Variants in PTK2B observed in about 807,000 individuals in gnomAD.
The protein encoded by PTK2B is protein tyrosine kinase 2 beta.
Under a neutral mutation model 142.9 loss-of-function variants are expected in PTK2B, and 71 were observed. The ratio of observed to expected loss-of-function variants is 0.50; its 90% CI spans 0.41 to 0.61. PTK2B has a LOEUF of 0.61. PTK2B is among the 20% of genes least tolerant of loss of function. The pLI is 0.00. For synonymous variants in PTK2B, 519 were observed against 503.4 expected (o/e 1.03, Z -0.42); for missense variants, 1,105 against 1,320.4 (o/e 0.84, Z 2.53).
At chr8:27,399,838 C>T (rs567616306) in intron 2 of PTK2B, among the ~76,000 whole-genome samples, 4 of 152,336 alleles carry the variant, frequency 2.6e-5, no homozygotes, top group African/African-American at 9.6e-5. Context: ...AAGTCCTGCT[C>T]CATCCTTACT....
At position 27,458,597 on chromosome 8, in the gene PTK2B, G is replaced by A; in HGVS notation, c.*88G>A. The A allele has an allele frequency of 7.2e-7, 1 of 1,398,508 alleles. No individual in the cohort carries two copies. The highest frequency in any genetic ancestry group is 9.7e-7 in the Non-Finnish European group (1 of 1,028,448). The allele number at this position is 1,398,508 out of a possible 1,614,324, so 86.6% of individuals were successfully genotyped here. On this transcript the variant is annotated 3_prime_UTR_variant, in exon 31 of 31. Transcript: ENST00000346049. Reference sequence around the variant, plus strand: ...TGCTGTTGGTCATGTGGGTCTTCCAGGGGGAAGGCCAAGGGGAGTCACCTT... The same window carrying A: ...TGCTGTTGGTCATGTGGGTCTTCCAAGGGGAAGGCCAAGGGGAGTCACCTT...
intron 7 of PTK2B, 47 bp downstream of exon 7, chr8:27,430,465 C>T (rs1264658194): frequency 6.2e-7 from 1 of 1,606,034 alleles, no homozygotes; most frequent in Admixed American, 1.7e-5. Context: ...ATTCCCGAGA[C>T]TAGAGTGTAA....
In PTK2B at chr8:27,397,662, G is replaced by C. The variant is rs771459641; in HGVS notation, c.78G>C (p.Met26Ile). The change falls in exon 2 of 31, where the codon ATG becomes ATC. Residue 26 changes from methionine to isoleucine, a missense_variant. Transcript: ENST00000346049. The stretch of plus-strand genomic sequence containing the variant: ...GGCCTGAAGGCCCTGCAGAGCCCAT[G>C]GTGGTGGTACCAGTAGATGTGGAAA... Reference protein sequence around the residue: ...LRRPEGPAEPMVVVPVDVEKE... With the variant: ...LRRPEGPAEPIVVVPVDVEKE... 6.2e-7 allele frequency: 1 copy of C among 1,614,178 alleles called. No individual in the cohort carries two copies. Among genetic ancestry groups the C allele is most frequent in the South Asian group, 1.1e-5 (1 of 91,082 alleles).
At chr8:27,398,353 G>T (rs1808189764) in intron 2 of PTK2B, among the ~76,000 whole-genome samples, 1 of 152,184 alleles carries the variant, frequency 6.6e-6, no homozygotes, top group Non-Finnish European at 1.5e-5. Context: ...CATCTGTTTT[G>T]CAGGTCCAGG....
At chr8:27,433,245 A>C in intron 10 of PTK2B, 190 bp from the exon 11 acceptor site, 1 of 575,306 alleles carries the variant, frequency 1.7e-6, no homozygotes, top group Non-Finnish European at 3.1e-6. Context: ...TTTGGAGAGC[A>C]TGGGCGTACA....
In PTK2B at chr8:27,437,849, G is replaced by A. The variant is rs1367462428; in HGVS notation, c.1612G>A (p.Ala538Thr). The A allele has an allele frequency of 2.5e-6, 4 of 1,613,234 alleles. No individual in the cohort carries two copies. The South Asian group carries it at 4.4e-5, about 18-fold the overall frequency. Residue 538 changes from alanine to threonine, a missense_variant, in exon 18 of 31, where the codon GCC (alanine) becomes ACC (threonine). By Grantham distance (58) the Ala-to-Thr change is moderately conservative (BLOSUM62 0). Transcript: ENST00000346049. The stretch of plus-strand genomic sequence containing the variant: ...CTCACTGCAGATATGCAAAGCCATG[G>A]CCTACCTGGAGAGCATCAACTGCGT... The part of the protein sequence containing the change: ...LYSLQICKAM[A>T]YLESINCVHR...
At chr8:27,342,391 A>T (rs1394841981) in intron 1 of PTK2B, among the ~76,000 whole-genome samples, 1 of 150,756 alleles carries the variant, frequency 6.6e-6, no homozygotes, top group Non-Finnish European at 1.5e-5. Flanking sequence ...GGCCCAAATG[A>T]TCCTCTCACC....
intron 1 of PTK2B, among the ~76,000 whole-genome samples, chr8:27,376,622 G>A (rs1806686123): frequency 6.6e-6 from 1 of 152,196 alleles, no homozygotes; most frequent in African/African-American, 2.4e-5. Flanking sequence ...ACAGGTTACA[G>A]TAAAGAAGCC....
chr8:27,361,375 T>C (rs1376997218), intron 1 of PTK2B, among the ~76,000 whole-genome samples: 1 of 152,062 alleles, frequency 6.6e-6, no homozygotes, highest in Admixed American at 6.5e-5. Context: ...TGCACCACCA[T>C]GCCTGGCTAA....
intron 5 of PTK2B, among the ~76,000 whole-genome samples, chr8:27,427,333 C>T (rs1481011266): frequency 2.6e-5 from 4 of 152,134 alleles, no homozygotes; most frequent in African/African-American, 9.7e-5. Context: ...CCCTCCAGCC[C>T]CCTTTGCAAA....
chr8:27,437,249 G>T (rs1405854476), intron 16 of PTK2B, 43 bp downstream of exon 16: 11 of 1,581,846 alleles, frequency 7.0e-6, no homozygotes, highest in Non-Finnish European at 9.6e-6. Flanking sequence ...GATGGGAGGG[G>T]CTTCAGCCTG....
At chr8:27,416,246 G>A (rs562190927) in intron 2 of PTK2B, among the ~76,000 whole-genome samples, 5 of 152,280 alleles carry the variant, frequency 3.3e-5, no homozygotes, top group South Asian at 4.1e-4. Flanking sequence ...GGGGAACAGC[G>A]GAAGACTTAA....
At chr8:27,350,990 A>AAAAT (rs1554483396) in intron 1 of PTK2B, among the ~76,000 whole-genome samples, 9 of 12,092 alleles carry the variant, frequency 7.4e-4, no homozygotes, top group Non-Finnish European at 1.4e-3. Context: ...AAAAAAAAAA[A>AAAAT]ATATATATAT....
At chr8:27,360,504 C>A (rs1805634674) in intron 1 of PTK2B, among the ~76,000 whole-genome samples, 1 of 152,142 alleles carries the variant, frequency 6.6e-6, no homozygotes, top group South Asian at 2.1e-4. Context: ...TTCTGGTGCC[C>A]TTCCTCCTTC....
In PTK2B at chr8:27,451,050, T is replaced by C; in HGVS notation, c.2495T>C (p.Met832Thr). 6.2e-7 allele frequency: 1 copy of C among 1,612,564 alleles called. No homozygotes were observed. The highest frequency in any genetic ancestry group is 8.5e-7 in the Non-Finnish European group (1 of 1,178,556). The part of the protein sequence containing the change: ...LRQEEKSLDP[M>T]VYMNDKSPLT... ...TTGTTTCTTCCTCTGCAGGACCCCA[T>C]GGTTTATATGAATGATAAGTCCCCA... The change falls in exon 26 of 31, where the codon ATG (methionine) becomes ACG (threonine). Residue 832 changes from methionine to threonine, a missense_variant. Physicochemically the swap from Met to Thr is moderately conservative, Grantham distance 81 (BLOSUM62 -1). Transcript: ENST00000346049.
At chr8:27,415,401 G>T (rs981172006) in intron 2 of PTK2B, among the ~76,000 whole-genome samples, 12 of 152,120 alleles carry the variant, frequency 7.9e-5, no homozygotes, top group Non-Finnish European at 1.3e-4. Flanking sequence ...ACACAGATTT[G>T]TTAATAAAAT....
intron 1 of PTK2B, among the ~76,000 whole-genome samples, chr8:27,364,524 A>T (rs936892287): frequency 2.0e-5 from 3 of 152,204 alleles, no homozygotes; most frequent in African/African-American, 7.2e-5. Context: ...TACCAAGAGG[A>T]GTCTTAGATA....
chr8:27,357,365 A>C (rs1287093827), intron 1 of PTK2B, among the ~76,000 whole-genome samples: 1 of 152,226 alleles, frequency 6.6e-6, no homozygotes, highest in Non-Finnish European at 1.5e-5. Flanking sequence ...TTGGTGTTTA[A>C]ATATTAATCC....
At chr8:27,343,039 G>A (rs537492254) in intron 1 of PTK2B, among the ~76,000 whole-genome samples, 4 of 152,270 alleles carry the variant, frequency 2.6e-5, no homozygotes, top group Non-Finnish European at 4.4e-5. Context: ...GCCAGGGTCC[G>A]ATGTGCTCAT....
Sources: allele counts gnomAD v4.1 joint callset (sites outside exome capture counted in the v4.1 genomes callset), GRCh38; gene constraint gnomAD v4.1.1; transcripts MANE v1.5; gene names NCBI Gene and HGNC (gene_info 2026-07-23, HGNC 2026-07-21).